Variants in CASZ1 observed in about 807,000 individuals in gnomAD.
The protein encoded by CASZ1 is zinc finger protein castor homolog 1.
A neutral mutation model predicts 135.2 loss-of-function variants in CASZ1; 28 were observed. The observed-to-expected ratio is 0.21, with a 90% CI of 0.15 to 0.28. The LOEUF is 0.28. CASZ1 is among the 10% of genes least tolerant of loss of function. CASZ1 has a pLI of 1.00. For synonymous variants in CASZ1, 1,068 were observed against 1,073.4 expected (o/e 0.99, Z 0.10); for missense variants, 2,161 against 2,453.3 (o/e 0.88, Z 2.52).
At chr1:10,660,685 T>C (rs1570433174) in intron 5 of CASZ1, 149 bp from the exon 6 acceptor site, 3 of 608,026 alleles carry the variant, frequency 4.9e-6, no homozygotes, top group East Asian at 5.6e-5. Flanking sequence ...GGCTCACTTG[T>C]TAGGTTTTAC....
intron 1 of CASZ1, among the ~76,000 whole-genome samples, chr1:10,764,350 C>T (rs982721030): frequency 2.6e-5 from 4 of 152,240 alleles, no homozygotes; most frequent in Admixed American, 6.5e-5. Flanking sequence ...ATGTGCCAGG[C>T]GGCAGGCTGG....
At chr1:10,728,892 G>A (rs1401722887) in intron 2 of CASZ1, among the ~76,000 whole-genome samples, 3 of 152,118 alleles carry the variant, frequency 2.0e-5, no homozygotes, top group Admixed American at 1.3e-4. Context: ...CACGGGGGCC[G>A]CAGGCCCTTT....
chr1:10,659,944 C>T lies in CASZ1; in HGVS notation c.1098G>A (p.Lys366=), dbSNP rs375136047. 9.3e-6 allele frequency: 15 copies of T among 1,612,640 alleles called. No homozygotes were observed. The highest frequency in any genetic ancestry group is 1.3e-5 in the Non-Finnish European group (15 of 1,179,962). The part of the protein sequence containing the change: ...SPDMGGAIAF[K]TGKVGRPSKY... Reference sequence around the variant, plus strand: ...TGGAAGGGCGCCCCACCTTGCCTGTCTTGAAGGCGATGGCCCCGCCCATGT... The same window carrying T: ...TGGAAGGGCGCCCCACCTTGCCTGTTTTGAAGGCGATGGCCCCGCCCATGT... The change falls in exon 6 of 21, where the codon AAG becomes AAA. Residue 366 remains lysine (K), a synonymous_variant. Coordinates refer to ENST00000377022, the MANE Select transcript of CASZ1 (RefSeq NM_001079843.3).
At position 10,711,672 on chromosome 1, in the gene CASZ1, A is replaced by G. The variant is rs1453139213; in HGVS notation, c.-76-6128T>C. Among the ~76,000 whole-genome samples the G allele has an allele frequency of 6.6e-6, 1 of 152,216 alleles. No homozygotes were observed. The highest frequency in any genetic ancestry group is 1.5e-5 in the Non-Finnish European group (1 of 68,040). On this transcript the variant is annotated intron_variant, in intron 2 of 20. Transcript: ENST00000377022. This position sits in a 1 kb window ranked among gnomAD's most constrained non-coding sequence, Gnocchi z 4.4. ...TTCACAGTAGTCAGATGGTAGATACAATTCAAGTGTCCATGGACTGAGAAA... is the reference window on the plus strand; with the variant it reads ...TTCACAGTAGTCAGATGGTAGATACGATTCAAGTGTCCATGGACTGAGAAA...
chr1:10,661,551 G>A (rs61776298), intron 5 of CASZ1, among the ~76,000 whole-genome samples: 2 of 127,874 alleles, frequency 1.6e-5, no homozygotes, highest in Non-Finnish European at 3.2e-5. Context: ...ACATTCACAC[G>A]ATCACATACA....
intron 1 of CASZ1, among the ~76,000 whole-genome samples, chr1:10,793,861 C>T (rs1052795937): frequency 1.2e-4 from 19 of 152,270 alleles, no homozygotes; most frequent in Admixed American, 3.3e-4. Context: ...CCCTAAAAAC[C>T]GAAGTTTGGG....
intron 2 of CASZ1, among the ~76,000 whole-genome samples, chr1:10,738,064 G>A (rs891328889): frequency 1.3e-5 from 2 of 152,164 alleles, no homozygotes; most frequent in South Asian, 2.1e-4. Context: ...TCCCTCCTTC[G>A]TGGAGTTTAC....
intron 8 of CASZ1, among the ~76,000 whole-genome samples, chr1:10,656,081 T>C (rs370137957): frequency 5.9e-5 from 9 of 152,220 alleles, no homozygotes; most frequent in East Asian, 1.9e-4. Context: ...AGATGATGCA[T>C]TGGGCCAGGC....
chr1:10,684,982 C>T (rs565232261), intron 4 of CASZ1, among the ~76,000 whole-genome samples: 14 of 152,318 alleles, frequency 9.2e-5, no homozygotes, highest in Non-Finnish European at 1.9e-4. Flanking sequence ...GACCAAAGGT[C>T]GGGAGCCTCC....
chr1:10,729,093 GGGAGTGGGGA>G (rs1394476216), intron 2 of CASZ1, among the ~76,000 whole-genome samples: 1 of 152,088 alleles, frequency 6.6e-6, no homozygotes, highest in Admixed American at 6.5e-5. Flanking sequence ...CTGGGGGAAG[GGGAGTGGGGA>G]GGAGAGGGAA....
rs1352699790 is a variant in CASZ1 at position 10,639,396 on chromosome 1, G to A, written c.4826C>T (p.Ala1609Val). 1.6e-5 allele frequency: 25 copies of A among 1,546,978 alleles called. No homozygotes were observed. The highest frequency in any genetic ancestry group is 2.0e-5 in the Non-Finnish European group (23 of 1,146,342). ...GTCCAGACTGATGGGAGGCCCGGGC[G>A]CGGGGCCCTCTGCCGCGGGCTCGCC... Reference protein sequence around the residue: ...ERGEPAAEGPAPGPPISLDGS... With the variant: ...ERGEPAAEGPVPGPPISLDGS... The change falls in exon 21 of 21, where the codon GCG (alanine) becomes GTG (valine). Residue 1609 changes from alanine (A) to valine (V), a missense_variant. By Grantham distance (64) the Ala-to-Val change is moderately conservative. Around this residue, in one of 7 missense-constraint regions of CASZ1, gnomAD observed 240 missense variants for 321.4 expected, o/e 0.75. Coordinates refer to ENST00000377022, the MANE Select transcript of CASZ1 (RefSeq NM_001079843.3). The surrounding 1 kb of genome is among the most constrained non-coding windows in gnomAD (Gnocchi z 4.0).
At chr1:10,744,788 C>T (rs1476088987) in intron 2 of CASZ1, among the ~76,000 whole-genome samples, 1 of 152,104 alleles carries the variant, frequency 6.6e-6, no homozygotes, top group African/African-American at 2.4e-5. Flanking sequence ...GGGTAGCCAG[C>T]GAGAGCCATT....
intron 1 of CASZ1, among the ~76,000 whole-genome samples, chr1:10,790,135 C>T (rs1378439791): frequency 1.3e-5 from 2 of 152,212 alleles, no homozygotes; most frequent in Non-Finnish European, 2.9e-5. Flanking sequence ...GATCACCAGG[C>T]AGCCAGAACC....
Position 10,725,867 on chromosome 1 carries a change from C to T in CASZ1, c.-76-20323G>A, listed in dbSNP as rs960796364. Among the ~76,000 whole-genome samples, 1 of 152,188 alleles carries T rather than the reference C, an allele frequency of 6.6e-6. No homozygotes were observed. The highest frequency in any genetic ancestry group is 2.4e-5 in the African/African-American group (1 of 41,540). ...AGGTGTAAGAGAGTCATTGAGGGGG[C>T]CAGAGGGCCTGCCGAATGTTCTAGA... is the stretch of plus-strand genomic sequence containing the variant. On this transcript the variant is annotated intron_variant, in intron 2 of 20. Coordinates refer to ENST00000377022, the MANE Select transcript of CASZ1 (RefSeq NM_001079843.3). This position sits in a 1 kb window ranked among gnomAD's most constrained non-coding sequence, Gnocchi z 4.4.
intron 4 of CASZ1, among the ~76,000 whole-genome samples, chr1:10,686,675 T>C (rs1018613094): frequency 6.6e-6 from 1 of 152,216 alleles, no homozygotes; most frequent in Non-Finnish European, 1.5e-5. Flanking sequence ...ACCGCCTTAT[T>C]GCTTCTCCCC....
chr1:10,744,916 G>C (rs560288495), intron 2 of CASZ1, among the ~76,000 whole-genome samples: 3 of 152,148 alleles, frequency 2.0e-5, no homozygotes, highest in Admixed American at 6.5e-5. Flanking sequence ...CATGTGCTCC[G>C]TCAATCCACC....
Position 10,694,286 on chromosome 1 carries a change from C to T in CASZ1, c.-23-374G>A. ...GCCCCCGGGCCTCCCCCGCCCGCGC[C>T]CGGTACTCACCATAGTCGGAGAGTC... is the stretch of plus-strand genomic sequence containing the variant. On this transcript the variant is annotated intron_variant, in intron 3 of 20. Coordinates refer to ENST00000377022, the MANE Select transcript of CASZ1 (RefSeq NM_001079843.3). This position sits in a 1 kb window ranked among gnomAD's most constrained non-coding sequence, Gnocchi z 6.6. 2 of 1,111,698 alleles carry T rather than the reference C, an allele frequency of 1.8e-6. No homozygotes were observed. Among genetic ancestry groups the T allele is most frequent in the Non-Finnish European group, 2.2e-6 (2 of 890,602 alleles). 68.9% of individuals were successfully genotyped at this position (1,111,698 alleles called of 1,614,324 possible).
At position 10,706,371 on chromosome 1, in the gene CASZ1, C is replaced by A. The variant is rs1570505024; in HGVS notation, c.-76-827G>T. ...TGCTGGCCAGGCCCCCCAACCCTTG[C>A]TCAAGCCAGGCCCTGCCCCTGCAGG... On this transcript the variant is annotated intron_variant, in intron 2 of 20. Transcript: ENST00000377022. This position sits in a 1 kb window ranked among gnomAD's most constrained non-coding sequence, Gnocchi z 4.3. Among the ~76,000 whole-genome samples the A allele has an allele frequency of 1.3e-5, 2 of 152,222 alleles. No homozygotes were observed. Among genetic ancestry groups the A allele is most frequent in the African/African-American group, 4.8e-5 (2 of 41,458 alleles).
In CASZ1 at chr1:10,720,826, G is replaced by C. The variant is rs963934813; in HGVS notation, c.-76-15282C>G. Among the ~76,000 whole-genome samples, 13 of 152,140 alleles carry C rather than the reference G, an allele frequency of 8.5e-5. No homozygotes were observed. The highest frequency in any genetic ancestry group is 2.9e-4 in the African/African-American group (12 of 41,424). ...GAGGGAGGGTGAGTGGAAGCTGGAGGGTTAGGGCTGGCCAAGGGACCAAGG... is the reference window on the plus strand; with the variant it reads ...GAGGGAGGGTGAGTGGAAGCTGGAGCGTTAGGGCTGGCCAAGGGACCAAGG... On this transcript the variant is annotated intron_variant, in intron 2 of 20. Coordinates refer to ENST00000377022, the MANE Select transcript of CASZ1 (RefSeq NM_001079843.3). The surrounding 1 kb of genome is among the most constrained non-coding windows in gnomAD (Gnocchi z 5.7).
Sources: allele counts gnomAD v4.1 joint callset (sites outside exome capture counted in the v4.1 genomes callset), GRCh38; gene constraint gnomAD v4.1.1; regional missense constraint gnomAD v4.1.1; non-coding constraint Gnocchi (gnomAD v3.1); transcripts MANE v1.5; gene names NCBI Gene and HGNC (gene_info 2026-07-23, HGNC 2026-07-21).